Variants in LSAMP observed in about 807,000 individuals in gnomAD.
LSAMP encodes limbic system associated membrane protein.
Under a neutral mutation model 38.6 loss-of-function variants are expected in LSAMP, and 7 were observed. The ratio of observed to expected loss-of-function variants is 0.18; its 90% CI spans 0.10 to 0.34. The LOEUF (loss-of-function observed/expected upper bound fraction) is 0.34, where lower values mean the gene tolerates loss of function less well. Ranked by LOEUF, LSAMP falls within the 10% of genes least tolerant of loss-of-function variation. The pLI, the probability that LSAMP is intolerant of heterozygous loss-of-function variation, is 1.00. For synonymous variants in LSAMP, 154 were observed against 166.8 expected, an observed-to-expected ratio of 0.92 and a Z score of 0.59; for missense variants, 313 against 420.0, an observed-to-expected ratio of 0.75 and a Z score of 2.23.
At chr3:115,997,747 T>TATAC (rs1939860740) in intron 3 of LSAMP, among the ~76,000 whole-genome samples, 1 of 96,120 alleles carries the variant, frequency 1.0e-5, no homozygotes, top group African/African-American at 4.2e-5. Context: ...TATATATATA[T>TATAC]ATATATACAC....
At chr3:115,860,202 T>C (rs1935634070) in intron 3 of LSAMP, among the ~76,000 whole-genome samples, 1 of 152,240 alleles carries the variant, frequency 6.6e-6, no homozygotes, top group Non-Finnish European at 1.5e-5. Context: ...TATATTATCT[T>C]ATTTAATTCA....
intron 1 of LSAMP, among the ~76,000 whole-genome samples, chr3:116,269,962 C>T (rs777702019): frequency 2.0e-5 from 3 of 152,078 alleles, no homozygotes; most frequent in Non-Finnish European, 4.4e-5. Context: ...TCTACACGCC[C>T]ATGGGGGCAT....
intron 2 of LSAMP, among the ~76,000 whole-genome samples, chr3:116,047,400 C>CA (rs1265930978): frequency 1.1e-3 from 151 of 141,870 alleles, no homozygotes; most frequent in South Asian, 5.4e-3. Flanking sequence ...ACAAAACAAA[C>CA]AAAAAAAAAC....
intron 1 of LSAMP, among the ~76,000 whole-genome samples, chr3:116,359,192 G>A (rs1263408187): frequency 6.6e-6 from 1 of 152,074 alleles, no homozygotes. Flanking sequence ...AAATACATTT[G>A]TACTATGTGT....
chr3:116,254,594 G>T (rs1158380126), intron 1 of LSAMP, among the ~76,000 whole-genome samples: 1 of 152,074 alleles, frequency 6.6e-6, no homozygotes, highest in Non-Finnish European at 1.5e-5. Flanking sequence ...TTTCAGTAAG[G>T]TTATAGCACA....
intron 6 of LSAMP, chr3:115,837,975 T>A (rs1323803071): frequency 6.6e-6 from 1 of 152,186 alleles, no homozygotes; most frequent in Non-Finnish European, 1.5e-5. Flanking sequence ...GCTGATTGGG[T>A]GTCTGCACTA....
chr3:116,338,880 C>A (rs772729931), intron 1 of LSAMP, among the ~76,000 whole-genome samples: 5 of 151,960 alleles, frequency 3.3e-5, no homozygotes, highest in African/African-American at 1.2e-4. Context: ...ATATTCAAAT[C>A]GAATCACTGG....
Position 116,220,185 on chromosome 3 carries a change from A to AACACACACACACACACACAC in LSAMP, c.156-133649_156-133630dup, listed in dbSNP as rs3974285. ...GTGACAGAGTGAGACTCCATCTCAA[A>AACACACACACACACACACAC]ACACACACACACACACACACACACA... On this transcript the variant is annotated intron_variant, in intron 1 of 6. Transcript: ENST00000490035. Among the ~76,000 whole-genome samples, 260 of 141,448 alleles carry AACACACACACACACACACAC rather than the reference A, an allele frequency of 1.8e-3. 1 individual carries two copies. The highest frequency in any genetic ancestry group is 7.6e-3 in the Admixed American group (105 of 13,796). 92.8% of individuals were successfully genotyped at this position (141,448 alleles called of 152,430 possible). A position where few individuals can be genotyped will look rare whatever the true frequency, so the allele number is the denominator to read the frequency against.
At chr3:115,972,445 A>C (rs1939048158) in intron 3 of LSAMP, among the ~76,000 whole-genome samples, 3 of 152,080 alleles carry the variant, frequency 2.0e-5, no homozygotes, top group African/African-American at 7.2e-5. Flanking sequence ...TGTCATTATT[A>C]AAATTTTTGT....
At chr3:116,167,426 A>C (rs1399340735) in intron 1 of LSAMP, among the ~76,000 whole-genome samples, 4 of 152,242 alleles carry the variant, frequency 2.6e-5, no homozygotes, top group African/African-American at 9.6e-5. Flanking sequence ...GGATAGAGGA[A>C]AAGATGTGAC....
At chr3:115,822,838 A>G (rs2107468945) in intron 6 of LSAMP, among the ~76,000 whole-genome samples, 1 of 152,318 alleles carries the variant, frequency 6.6e-6, no homozygotes, top group Non-Finnish European at 1.5e-5. Flanking sequence ...AATACCGCTA[A>G]AGGCTTTTCT....
chr3:116,256,964 C>T (rs556496273), intron 1 of LSAMP, among the ~76,000 whole-genome samples: 10 of 152,330 alleles, frequency 6.6e-5, no homozygotes, highest in Admixed American at 5.9e-4. Flanking sequence ...CTTGCTTTCA[C>T]ATCTGGGGCT....
chr3:116,109,541 C>T (rs542616175), intron 1 of LSAMP, among the ~76,000 whole-genome samples: 1 of 152,190 alleles, frequency 6.6e-6, no homozygotes, highest in East Asian at 1.9e-4. Flanking sequence ...ACGTCAGGCA[C>T]CTCAGACCAT....
At chr3:116,004,522 GTA>G (rs149186725) in intron 3 of LSAMP, among the ~76,000 whole-genome samples, 41 of 145,050 alleles carry the variant, frequency 2.8e-4, no homozygotes, top group Non-Finnish European at 3.6e-4. Context: ...ATATATATGT[GTA>G]TATATATATA....
intron 3 of LSAMP, among the ~76,000 whole-genome samples, chr3:115,872,082 G>T (rs183643639): frequency 2.3e-3 from 344 of 152,054 alleles, no homozygotes; most frequent in African/African-American, 8.0e-3. Flanking sequence ...TCTCTTCTTA[G>T]ATTTCTGTTG....
intron 1 of LSAMP, among the ~76,000 whole-genome samples, chr3:116,317,689 AG>A (rs1327619607): frequency 6.6e-6 from 1 of 151,892 alleles, no homozygotes; most frequent in Non-Finnish European, 1.5e-5. Flanking sequence ...CATGATGTTA[AG>A]GGGGAAACTG....
chr3:116,376,586 A>T (rs547586711), intron 1 of LSAMP, among the ~76,000 whole-genome samples: 1 of 152,160 alleles, frequency 6.6e-6, no homozygotes, highest in African/African-American at 2.4e-5. Flanking sequence ...ATCTGTCTGT[A>T]AGCATTTTTT....
chr3:116,393,507 T>C (rs2048729639), intron 1 of LSAMP, among the ~76,000 whole-genome samples: 1 of 152,152 alleles, frequency 6.6e-6, no homozygotes, highest in Non-Finnish European at 1.5e-5. Flanking sequence ...ATGTCTGACT[T>C]ACAGTCTCCC....
At chr3:116,155,012 G>GC (rs1263258063) in intron 1 of LSAMP, among the ~76,000 whole-genome samples, 1 of 10,088 alleles carries the variant, frequency 9.9e-5, no homozygotes, top group African/African-American at 1.3e-4. Flanking sequence ...CTTCATGAAT[G>GC]TTTTGGTTTT....
Sources: gnomAD v4.1 joint callset for allele counts (sites outside exome capture counted in the v4.1 genomes callset) on GRCh38, gnomAD v4.1.1 for gene constraint, MANE v1.5 for transcripts, NCBI Gene and HGNC (gene_info 2026-07-23, HGNC 2026-07-21) for gene names.